Variants in SLC38A6 observed in about 807,000 individuals in gnomAD.
SLC38A6 encodes the protein N system amino acid transporter NAT-1.
Under a neutral mutation model 65.0 loss-of-function variants are expected in SLC38A6, and 73 were observed. The observed-to-expected ratio is 1.12, with a 90% CI of 0.93 to 1.37. The LOEUF (loss-of-function observed/expected upper bound fraction) is 1.37. SLC38A6 is among the 40% of genes most tolerant of loss of function. The pLI is 0.00. For synonymous variants in SLC38A6, 183 were observed against 178.8 expected (o/e 1.02, Z -0.19); for missense variants, 561 against 531.1 (o/e 1.06, Z -0.55).
At chr14:61,004,155 G>C (rs1328847736) in intron 3 of SLC38A6, among the ~76,000 whole-genome samples, 1 of 152,050 alleles carries the variant, frequency 6.6e-6, no homozygotes, top group African/African-American at 2.4e-5. Context: ...TTAAATTTCA[G>C]GTAATTGAAA....
rs574795459 is a variant in SLC38A6 at position 61,021,565 on chromosome 14, A to T, written c.403+1985A>T. Among the ~76,000 whole-genome samples, 5 of 152,264 alleles carry T rather than the reference A, an allele frequency of 3.3e-5. No individual in the cohort carries two copies. In the East Asian group the frequency reaches 9.7e-4, roughly 29 times the overall value. On this transcript the variant is annotated intron_variant, in intron 5 of 15. Transcript: ENST00000267488. Reference sequence around the variant, plus strand: ...GTCAGTTGCCAGAATTCTAGAAAGGATTCTTGCATTTGGAGGTGGATAAAT... The same window carrying T: ...GTCAGTTGCCAGAATTCTAGAAAGGTTTCTTGCATTTGGAGGTGGATAAAT...
At chr14:61,041,568 C>G (rs2041817077) in intron 8 of SLC38A6, among the ~76,000 whole-genome samples, 2 of 152,138 alleles carry the variant, frequency 1.3e-5, no homozygotes, top group Admixed American at 1.3e-4. Context: ...ATGATTTTTT[C>G]TGCCAACACT....
chr14:61,009,777 A>G lies in SLC38A6; in HGVS notation c.311-6127A>G, dbSNP rs537883429. ...GTGCCACATTTTCTTAATCCAGTCT[A>G]TCATTGTTGGACATTTAGGTTGGTT... On this transcript the variant is annotated intron_variant, in intron 3 of 15. Coordinates refer to ENST00000267488, the MANE Select transcript of SLC38A6 (RefSeq NM_153811.3). 3.3e-5 allele frequency among the ~76,000 whole-genome samples: 5 copies of G among 152,332 alleles called. No individual in the cohort carries two copies. The South Asian group carries it at 6.2e-4, about 19-fold the overall frequency.
chr14:60,994,128 C>A (rs2038102098), intron 3 of SLC38A6, among the ~76,000 whole-genome samples: 1 of 152,224 alleles, frequency 6.6e-6, no homozygotes, highest in Non-Finnish European at 1.5e-5. Flanking sequence ...ACACAAAAAC[C>A]TCCATAAAGA....
At chr14:61,022,993 T>G (rs1038853583) in intron 5 of SLC38A6, among the ~76,000 whole-genome samples, 2 of 152,182 alleles carry the variant, frequency 1.3e-5, no homozygotes, top group African/African-American at 4.8e-5. Context: ...TTTTCTAACT[T>G]CTTGGGGACA....
At chr14:61,070,009 C>T (rs183811120) in intron 15 of SLC38A6, among the ~76,000 whole-genome samples, 309 of 152,284 alleles carry the variant, frequency 2.0e-3, no homozygotes, top group Admixed American at 3.5e-3. Context: ...CCTTTGACTT[C>T]TCTTTACTTA....
chr14:61,054,515 G>A (rs2042639793), downstream of SLC38A6, among the ~76,000 whole-genome samples: 1 of 152,160 alleles, frequency 6.6e-6, no homozygotes, highest in Admixed American at 6.5e-5. Flanking sequence ...AGCATGGAAT[G>A]TTTTTTCATT....
At chr14:61,061,046 G>C (rs912869979) in intron 15 of SLC38A6, among the ~76,000 whole-genome samples, 1 of 151,888 alleles carries the variant, frequency 6.6e-6, no homozygotes, top group East Asian at 2.0e-4. Flanking sequence ...AGAAGAACCC[G>C]GTACCTCAGA....
intron 8 of SLC38A6, among the ~76,000 whole-genome samples, chr14:61,039,524 A>ATTTTTTTTTTTTTTTTTTTTTTTTTTT (rs5809078): frequency 7.7e-6 from 1 of 130,622 alleles, no homozygotes; most frequent in African/African-American, 2.9e-5. Flanking sequence ...GTGCATGCTA[A>ATTTTTTTTTTTTTTTTTTTTTTTTTTT]TTTTTTTTTT....
At position 61,050,527 on chromosome 14, in the gene SLC38A6, A is replaced by G. The variant is rs1199847665; in HGVS notation, c.941A>G (p.Glu314Gly). 7.8e-6 allele frequency: 12 copies of G among 1,542,804 alleles called. No homozygotes were observed. The highest frequency in any genetic ancestry group is 1.7e-5 in the Admixed American group (1 of 58,038). ...TTATTTACAGACAAAGTGGAGTCAG[A>G]ATTACTAAAAGGTTATAGTAAATAC... ...YLTFYDKVES[E>G]LLKGYSKYLS... The change falls in exon 13 of 16, where the codon GAA becomes GGA. Residue 314 changes from glutamate (E) to glycine (G), a missense_variant. Glu to Gly is a moderately conservative substitution (Grantham distance 98). Coordinates refer to ENST00000267488, the MANE Select transcript of SLC38A6 (RefSeq NM_153811.3).
chr14:61,052,289 A>AT, intron 15 of SLC38A6, 60 bp from the exon 16 acceptor site: 12 of 1,409,308 alleles, frequency 8.5e-6, no homozygotes, highest in East Asian at 5.1e-5. Flanking sequence ...ATCCAATTGT[A>AT]TTTTTTTATC....
In SLC38A6 at chr14:60,982,429, T is replaced by C. The variant is rs2037126569; in HGVS notation, c.106-79T>C. ...TGGTTTGCAGCTTTTTTCCATAATCTTTCATTTATGGAATTTCTTTACGAA... is the reference window on the plus strand; with the variant it reads ...TGGTTTGCAGCTTTTTTCCATAATCCTTCATTTATGGAATTTCTTTACGAA... On this transcript the variant is annotated intron_variant, in intron 1 of 15. Coordinates refer to ENST00000267488, the MANE Select transcript of SLC38A6 (RefSeq NM_153811.3). 4 of 1,553,268 alleles carry C rather than the reference T, an allele frequency of 2.6e-6. No homozygotes were observed. The Admixed American group carries it at 7.4e-5, about 29-fold the overall frequency.
chr14:61,073,433 A>T (rs893757570), intron 15 of SLC38A6, among the ~76,000 whole-genome samples: 2 of 152,172 alleles, frequency 1.3e-5, no homozygotes, highest in African/African-American at 4.8e-5. Flanking sequence ...ATTAAATTTC[A>T]ACGTGAGTTT....
At chr14:61,009,217 A>C (rs1344520678) in intron 3 of SLC38A6, among the ~76,000 whole-genome samples, 1 of 152,170 alleles carries the variant, frequency 6.6e-6, no homozygotes, top group African/African-American at 2.4e-5. Flanking sequence ...AATGCCTAAG[A>C]TCACAAATTT....
At chr14:61,055,260 CT>C (rs1566718268), downstream of SLC38A6, among the ~76,000 whole-genome samples, 1 of 64,212 alleles carries the variant, frequency 1.6e-5, no homozygotes, top group African/African-American at 5.9e-5. Context: ...AATGCTATCC[CT>C]CCCCCCTCCC....
At chr14:61,053,293 A>T (rs1346244687), downstream of SLC38A6, among the ~76,000 whole-genome samples, 1 of 152,076 alleles carries the variant, frequency 6.6e-6, no homozygotes, top group Non-Finnish European at 1.5e-5. Context: ...ATATAGGGTG[A>T]TTCCATGTCT....
At chr14:61,018,799 A>G (rs940899120) in intron 4 of SLC38A6, among the ~76,000 whole-genome samples, 2 of 152,196 alleles carry the variant, frequency 1.3e-5, no homozygotes, top group African/African-American at 4.8e-5. Context: ...CTGATTACCA[A>G]CTAAGCATCA....
intron 3 of SLC38A6, among the ~76,000 whole-genome samples, chr14:61,009,026 A>C (rs921022410): frequency 6.6e-6 from 1 of 152,190 alleles, no homozygotes; most frequent in Non-Finnish European, 1.5e-5. Flanking sequence ...GCTAAGCTTT[A>C]CCTATTCTAA....
intron 3 of SLC38A6, among the ~76,000 whole-genome samples, chr14:61,013,702 G>T (rs1377868880): frequency 6.6e-6 from 1 of 152,176 alleles, no homozygotes; most frequent in African/African-American, 2.4e-5. Flanking sequence ...TAAGAATGTT[G>T]AATATTGGCC....
Sources: gnomAD v4.1 joint callset for allele counts (sites outside exome capture counted in the v4.1 genomes callset) on GRCh38, gnomAD v4.1.1 for gene constraint, MANE v1.5 for transcripts, NCBI Gene and HGNC (gene_info 2026-07-23, HGNC 2026-07-21) for gene names.